Variants in THRB observed in about 807,000 individuals in gnomAD.
THRB encodes thyroid hormone receptor beta.
Under a neutral mutation model 47.8 loss-of-function variants are expected in THRB, and 12 were observed. The ratio of observed to expected loss-of-function variants is 0.25; its 90% CI spans 0.16 to 0.41. The LOEUF is 0.41. THRB is among the 10% of genes least tolerant of loss of function. The pLI is 1.00. For synonymous variants in THRB, 218 were observed against 212.2 expected, an observed-to-expected ratio of 1.03 and a Z score of -0.24; for missense variants, 348 against 589.2, an observed-to-expected ratio of 0.59 and a Z score of 4.24.
At chr3:24,301,531 G>A (rs1007547992) in intron 2 of THRB, among the ~76,000 whole-genome samples, 1 of 151,656 alleles carries the variant, frequency 6.6e-6, no homozygotes, top group African/African-American at 2.4e-5. Context: ...TGATATGTTT[G>A]GTCATGCAAT....
intron 2 of THRB, among the ~76,000 whole-genome samples, chr3:24,329,432 A>C (rs2061780786): frequency 6.6e-6 from 1 of 152,184 alleles, no homozygotes; most frequent in Non-Finnish European, 1.5e-5. Context: ...CCATGCCCCC[A>C]ATTCATTTTT....
intron 2 of THRB, among the ~76,000 whole-genome samples, chr3:24,336,273 G>A (rs1233277143): frequency 1.3e-5 from 2 of 152,200 alleles, no homozygotes; most frequent in African/African-American, 4.8e-5. Flanking sequence ...GTTACAATCA[G>A]ATAGCACCAC....
rs115445992 is a variant in THRB, at chr3:24,127,590, G to A, written c.1053C>T (p.Asp351=). 229 of 1,614,158 alleles carry A rather than the reference G, an allele frequency of 1.4e-4. No individual in the cohort carries two copies. The highest frequency in any genetic ancestry group is 3.6e-4 in the East Asian group (16 of 44,882). The change falls in exon 10 of 11, where the codon GAC becomes GAT. Residue 351 remains aspartate (D), a synonymous_variant. Coordinates refer to ENST00000646209, the MANE Select transcript of THRB (RefSeq NM_001354712.2). ...GAGACATGCCCAGGTCAAAGATGGC[G>A]TCTGACACCACCCCAAGACCCCCAT... The part of the protein sequence containing the change: ...LKNGGLGVVS[D]AIFDLGMSLS...
At chr3:24,128,837 T>G (rs955221000) in intron 9 of THRB, among the ~76,000 whole-genome samples, 1 of 141,926 alleles carries the variant, frequency 7.0e-6, no homozygotes, top group Non-Finnish European at 1.5e-5. Flanking sequence ...CAGAATCCAA[T>G]GCCAAGAGAA....
chr3:24,212,281 C>G (rs2046113560), intron 4 of THRB, among the ~76,000 whole-genome samples: 1 of 152,160 alleles, frequency 6.6e-6, no homozygotes, highest in Non-Finnish European at 1.5e-5. Context: ...GCCTGCAATC[C>G]TAGCTACTTG....
intron 8 of THRB, among the ~76,000 whole-genome samples, chr3:24,140,787 A>T (rs1271445423): frequency 6.6e-6 from 1 of 152,168 alleles, no homozygotes; most frequent in Non-Finnish European, 1.5e-5. Flanking sequence ...CCAGAGAGAG[A>T]ACGGGCTGTG....
chr3:24,273,298 G>A (rs1218663149), intron 3 of THRB, among the ~76,000 whole-genome samples: 2 of 152,176 alleles, frequency 1.3e-5, no homozygotes, highest in African/African-American at 4.8e-5. Flanking sequence ...ACCTTTAAGT[G>A]CTTGGGGTAA....
intron 1 of THRB, among the ~76,000 whole-genome samples, chr3:24,472,162 G>A (rs1694797498): frequency 6.6e-6 from 1 of 152,070 alleles, no homozygotes; most frequent in Non-Finnish European, 1.5e-5. Flanking sequence ...AGCTAGTAGG[G>A]ACACCCATAT....
In THRB at chr3:24,375,823, A is replaced by G. The variant is rs151094877; in HGVS notation, c.-260-38452T>C. Among the ~76,000 whole-genome samples the G allele has an allele frequency of 3.6e-4, 54 of 152,112 alleles. 2 individuals are homozygous for G. The highest frequency in any genetic ancestry group is 1.2e-3 in the African/African-American group (50 of 41,522). Reference sequence around the variant, plus strand: ...CTTTTCTTTTCTTTTTTGAATCCAGATCTTCTGATCCCAAGTCTTTTTCTT... The same window carrying G: ...CTTTTCTTTTCTTTTTTGAATCCAGGTCTTCTGATCCCAAGTCTTTTTCTT... On this transcript the variant is annotated intron_variant, in intron 1 of 10. Coordinates refer to ENST00000646209, the MANE Select transcript of THRB (RefSeq NM_001354712.2).
rs191119437 is a variant in THRB at position 24,363,644 on chromosome 3, T to G, written c.-260-26273A>C. Among the ~76,000 whole-genome samples the G allele has an allele frequency of 3.9e-5, 6 of 152,294 alleles. No homozygotes were observed. The East Asian group carries it at 1.2e-3, about 29-fold the overall frequency. ...TTGAAGGTTGTCTGAAGAAAAGATA[T>G]ATAAGCAGGAAACATCTTTTGGCAA... On this transcript the variant is annotated intron_variant, in intron 1 of 10. Coordinates refer to ENST00000646209, the MANE Select transcript of THRB (RefSeq NM_001354712.2).
At chr3:24,440,361 G>C (rs908194330) in intron 1 of THRB, among the ~76,000 whole-genome samples, 13 of 152,110 alleles carry the variant, frequency 8.5e-5, no homozygotes, top group African/African-American at 2.9e-4. Context: ...ATGGGGCTAA[G>C]AGTGGATCCT....
intron 3 of THRB, among the ~76,000 whole-genome samples, chr3:24,255,217 G>A (rs544244484): frequency 2.0e-5 from 3 of 152,230 alleles, no homozygotes; most frequent in Admixed American, 1.3e-4. Flanking sequence ...ATAACTGTTT[G>A]TCTATCCATG....
At chr3:24,148,379 G>T (rs1417141654) in intron 6 of THRB, among the ~76,000 whole-genome samples, 2 of 151,870 alleles carry the variant, frequency 1.3e-5, no homozygotes, top group East Asian at 3.9e-4. Context: ...CGTCCTCCTT[G>T]GCCTCCCAAA....
chr3:24,461,740 T>C lies in THRB; in HGVS notation c.-261+32912A>G, dbSNP rs555811369. The stretch of plus-strand genomic sequence containing the variant: ...CCTAAATTATAAAATGACTATGATG[T>C]CTATACTAAGGGGGCATGTCATACA... On this transcript the variant is annotated intron_variant, in intron 1 of 10. Coordinates refer to ENST00000646209, the MANE Select transcript of THRB (RefSeq NM_001354712.2). Among the ~76,000 whole-genome samples the C allele has an allele frequency of 3.3e-5, 5 of 152,180 alleles. 1 individual carries two copies. The South Asian group carries it at 1.0e-3, about 32-fold the overall frequency.
intron 4 of THRB, among the ~76,000 whole-genome samples, chr3:24,207,180 G>A (rs145174138): frequency 1.1e-4 from 16 of 152,214 alleles, no homozygotes; most frequent in African/African-American, 3.1e-4. Context: ...AAGCCTGGCC[G>A]AGACACAACA....
intron 6 of THRB, among the ~76,000 whole-genome samples, chr3:24,148,920 T>A (rs2036506301): frequency 6.6e-6 from 1 of 152,226 alleles, no homozygotes; most frequent in Non-Finnish European, 1.5e-5. Flanking sequence ...ATATTATATT[T>A]GGGTTCTGTG....
chr3:24,284,057 C>T (rs2054945019), intron 3 of THRB, among the ~76,000 whole-genome samples: 1 of 138,864 alleles, frequency 7.2e-6, no homozygotes, highest in Non-Finnish European at 1.6e-5. Flanking sequence ...CAATGACTTT[C>T]TTCACAGAAT....
At chr3:24,182,545 C>G (rs2042039976) in intron 5 of THRB, among the ~76,000 whole-genome samples, 1 of 152,208 alleles carries the variant, frequency 6.6e-6, no homozygotes, top group South Asian at 2.1e-4. Flanking sequence ...AGTGATTATT[C>G]TGACGTGGGC....
intron 1 of THRB, among the ~76,000 whole-genome samples, chr3:24,426,126 A>C (rs1407963858): frequency 6.6e-6 from 1 of 151,966 alleles, no homozygotes; most frequent in Non-Finnish European, 1.5e-5. Flanking sequence ...GTGTCTATCT[A>C]TCCATGATAC....
Sources: gnomAD v4.1 joint callset for allele counts (sites outside exome capture counted in the v4.1 genomes callset) on GRCh38, gnomAD v4.1.1 for gene constraint, MANE v1.5 for transcripts, NCBI Gene and HGNC (gene_info 2026-07-23, HGNC 2026-07-21) for gene names.